The following ROBO2 variants were observed in gnomAD, a reference collection of about 807,000 sequenced individuals.
The protein encoded by ROBO2 is roundabout homolog 2.
ROBO2 carries 53 observed loss-of-function variants against 160.8 expected under a neutral mutation model. The observed-to-expected ratio is 0.33, with a 90% confidence interval of 0.26 to 0.41. The LOEUF is 0.41. Among genes scored for constraint, ROBO2 ranks in the 10% least tolerant of loss-of-function variants. The probability of loss-of-function intolerance (pLI) is 1.00; values close to 1 mark genes in which losing one functional copy is unlikely to be tolerated. For synonymous variants in ROBO2, 664 were observed against 611.7 expected (o/e 1.09, Z -1.26); for missense variants, 1,577 against 1,722.4 (o/e 0.92, Z 1.49).
chr3:76,133,418 T>TTAGTCTAC (rs2071307004), intron 2 of ROBO2, among the ~76,000 whole-genome samples: 1 of 151,976 alleles, frequency 6.6e-6, no homozygotes, highest in Admixed American at 6.6e-5. Flanking sequence ...AATACATGTA[T>TTAGTCTAC]TAGTCTACTA....
chr3:77,423,825 G>A (rs145407429), intron 2 of ROBO2, among the ~76,000 whole-genome samples: 8 of 152,232 alleles, frequency 5.3e-5, no homozygotes, highest in East Asian at 1.9e-4. Context: ...CCAGGGTAAC[G>A]TTATGACTTA....
intron 2 of ROBO2, among the ~76,000 whole-genome samples, chr3:77,292,335 T>G (rs1450714112): frequency 7.1e-6 from 1 of 139,984 alleles, no homozygotes; most frequent in Non-Finnish European, 1.5e-5. Context: ...GCTGGAACAG[T>G]AAAGACATAA....
At chr3:77,421,391 A>G (rs1379617456) in intron 2 of ROBO2, among the ~76,000 whole-genome samples, 1 of 151,926 alleles carries the variant, frequency 6.6e-6, no homozygotes, top group African/African-American at 2.4e-5. Context: ...TTTTTTTTCT[A>G]TGGCCATCTT....
At chr3:77,102,126 A>G (rs888050168) in intron 2 of ROBO2, among the ~76,000 whole-genome samples, 3 of 152,214 alleles carry the variant, frequency 2.0e-5, no homozygotes, top group East Asian at 3.8e-4. Context: ...TGTGGGCTCC[A>G]GTGATGGGGA....
chr3:76,530,937 C>A (rs1335004995), intron 2 of ROBO2, among the ~76,000 whole-genome samples: 1 of 152,160 alleles, frequency 6.6e-6, no homozygotes, highest in African/African-American at 2.4e-5. Flanking sequence ...GTCTCTACTT[C>A]CCACGCTTGT....
At chr3:76,981,379 G>A (rs1298145874) in intron 2 of ROBO2, among the ~76,000 whole-genome samples, 1 of 152,036 alleles carries the variant, frequency 6.6e-6, no homozygotes, top group Admixed American at 6.6e-5. Flanking sequence ...CTATCATAGT[G>A]GTTGTGAAGT....
intron 2 of ROBO2, among the ~76,000 whole-genome samples, chr3:76,184,231 G>T (rs1353988812): frequency 6.6e-6 from 1 of 152,022 alleles, no homozygotes. Flanking sequence ...AGGTACTTTT[G>T]CTTCTGGGTA....
At chr3:77,167,273 A>G (rs1031022597) in intron 2 of ROBO2, among the ~76,000 whole-genome samples, 8 of 152,190 alleles carry the variant, frequency 5.3e-5, no homozygotes, top group Admixed American at 1.3e-4. Context: ...ATATTTCATC[A>G]TCTAGTATTC....
chr3:76,389,032 T>C (rs9810786), intron 2 of ROBO2, among the ~76,000 whole-genome samples: 9,512 of 152,240 alleles, frequency 0.062, 840 homozygotes, highest in African/African-American at 0.2. Flanking sequence ...AAAAAAACTA[T>C]ACATAGAAAA....
intron 2 of ROBO2, among the ~76,000 whole-genome samples, chr3:76,182,053 G>C (rs1701531886): frequency 6.6e-6 from 1 of 152,120 alleles, no homozygotes; most frequent in African/African-American, 2.4e-5. Flanking sequence ...GGATATGTAT[G>C]GCATGCTTAG....
chr3:76,038,255 T>A (rs1446787356), intron 2 of ROBO2, among the ~76,000 whole-genome samples: 1 of 151,926 alleles, frequency 6.6e-6, no homozygotes, highest in African/African-American at 2.4e-5. Flanking sequence ...CAGTCTATCA[T>A]TATTAAAGGA....
At chr3:76,506,701 A>C (rs1011054852) in intron 2 of ROBO2, among the ~76,000 whole-genome samples, 1 of 152,172 alleles carries the variant, frequency 6.6e-6, no homozygotes, top group Non-Finnish European at 1.5e-5. Flanking sequence ...ATATTCTTTT[A>C]CAAATCACTG....
chr3:77,414,230 A>T (rs1379371251), intron 2 of ROBO2, among the ~76,000 whole-genome samples: 2 of 152,238 alleles, frequency 1.3e-5, no homozygotes, highest in African/African-American at 2.4e-5. Flanking sequence ...ACAGAAGACA[A>T]GTAACAAGAA....
chr3:76,465,640 G>A (rs1455902708), intron 2 of ROBO2, among the ~76,000 whole-genome samples: 1 of 151,948 alleles, frequency 6.6e-6, no homozygotes, highest in Non-Finnish European at 1.5e-5. Context: ...AATTTTGATG[G>A]TGTCTTTCAG....
chr3:77,200,384 AC>A (rs2082792798), intron 2 of ROBO2, among the ~76,000 whole-genome samples: 1 of 142,834 alleles, frequency 7.0e-6, no homozygotes, highest in African/African-American at 2.5e-5. Context: ...AAATCTGGTT[AC>A]TTTTGGTAGG....
intron 2 of ROBO2, among the ~76,000 whole-genome samples, chr3:77,474,841 C>A (rs1471841617): frequency 2.0e-5 from 3 of 152,068 alleles, no homozygotes; most frequent in Non-Finnish European, 4.4e-5. Context: ...AAATCCAAGG[C>A]AGAAATGAAT....
At chr3:77,252,968 G>T (rs945559207) in intron 2 of ROBO2, among the ~76,000 whole-genome samples, 3 of 150,570 alleles carry the variant, frequency 2.0e-5, no homozygotes, top group African/African-American at 7.3e-5. Flanking sequence ...TTCAAATTAT[G>T]CTCTTTTGGA....
intron 2 of ROBO2, among the ~76,000 whole-genome samples, chr3:77,370,997 A>T (rs1039446621): frequency 2.6e-5 from 4 of 152,138 alleles, no homozygotes; most frequent in African/African-American, 7.2e-5. Flanking sequence ...AAGGGGTGGA[A>T]AGTTGTGTTG....
chr3:76,673,445 A>G (rs1319698582), intron 2 of ROBO2, among the ~76,000 whole-genome samples: 2 of 152,186 alleles, frequency 1.3e-5, no homozygotes, highest in East Asian at 3.8e-4. Flanking sequence ...TTTTCACAGG[A>G]GTCTTGTGGA....
Sources: allele counts gnomAD v4.1 joint callset (sites outside exome capture counted in the v4.1 genomes callset), GRCh38; gene constraint gnomAD v4.1.1; transcripts MANE v1.5; gene names NCBI Gene and HGNC (gene_info 2026-07-23, HGNC 2026-07-21).